TCF20: variants seen among roughly 807,000 people sequenced by gnomAD.
TCF20 encodes transcription factor 20.
TCF20 carries 3 observed loss-of-function variants against 148.6 expected under a neutral mutation model. The observed-to-expected ratio is 0.02, with a 90% CI of 0.01 to 0.05. The LOEUF (loss-of-function observed/expected upper bound fraction) is 0.05. TCF20 is among the 10% of genes least tolerant of loss of function. The pLI is 1.00. For missense variants in TCF20, 2,350 were observed against 2,429.3 expected, an observed-to-expected ratio of 0.97 and a Z score of 0.69; for synonymous variants, 1,049 against 909.5, an observed-to-expected ratio of 1.15 and a Z score of -2.76.
At chr22:42,321,946 TA>T (rs201888819) in intron 1 of TCF20, among the ~76,000 whole-genome samples, 243 of 138,278 alleles carry the variant, frequency 1.8e-3, no homozygotes, top group Non-Finnish European at 1.7e-3. Context: ...GACTCCATCT[TA>T]AAAAAAAAAA....
intron 3 of TCF20, among the ~76,000 whole-genome samples, chr22:42,172,892 T>C (rs1347474951): frequency 6.6e-6 from 1 of 152,188 alleles, no homozygotes; most frequent in Non-Finnish European, 1.5e-5. Context: ...AGGCTCAGGC[T>C]CCTGGGCCAT....
intron 2 of TCF20, among the ~76,000 whole-genome samples, chr22:42,195,956 G>A (rs1937586575): frequency 1.3e-5 from 2 of 152,214 alleles, no homozygotes; most frequent in Admixed American, 1.3e-4. Context: ...ATTAGGGTGG[G>A]CTCTGGGGCC....
chr22:42,248,037 A>G (rs1008777508), intron 1 of TCF20, among the ~76,000 whole-genome samples: 2 of 152,210 alleles, frequency 1.3e-5, no homozygotes, highest in Non-Finnish European at 2.9e-5. Context: ...TCTAGGAAAC[A>G]TGGATGCAGA....
chr22:42,242,573 A>G (rs1463551672), intron 1 of TCF20, among the ~76,000 whole-genome samples: 1 of 152,080 alleles, frequency 6.6e-6, no homozygotes, highest in Non-Finnish European at 1.5e-5. Flanking sequence ...GATTTAGAAG[A>G]GGTATTTTCA....
chr22:42,196,770 G>T (rs997665269), intron 2 of TCF20, among the ~76,000 whole-genome samples: 3 of 152,240 alleles, frequency 2.0e-5, no homozygotes, highest in African/African-American at 7.2e-5. Context: ...ACACATAACA[G>T]AGATGAAATG....
At chr22:42,325,940 A>C (rs553472829) in intron 1 of TCF20, among the ~76,000 whole-genome samples, 4 of 152,100 alleles carry the variant, frequency 2.6e-5, no homozygotes, top group African/African-American at 9.7e-5. Flanking sequence ...TCAGGTGAGT[A>C]AGACATGGTT....
intron 3 of TCF20, among the ~76,000 whole-genome samples, chr22:42,175,328 G>C (rs1270404744): frequency 6.6e-6 from 1 of 152,082 alleles, no homozygotes; most frequent in East Asian, 1.9e-4. Context: ...ACCATACCTA[G>C]TTAACTGGTT....
intron 1 of TCF20, among the ~76,000 whole-genome samples, chr22:42,308,957 C>T (rs922103873): frequency 2.2e-4 from 34 of 152,156 alleles, no homozygotes; most frequent in African/African-American, 8.0e-4. Context: ...TGCACACAGG[C>T]CCTGAGGGTA....
intron 1 of TCF20, among the ~76,000 whole-genome samples, chr22:42,217,594 GGT>G (rs1378933856): frequency 1.3e-5 from 2 of 152,176 alleles, no homozygotes; most frequent in African/African-American, 4.8e-5. Flanking sequence ...ATGATTAAAT[GGT>G]GTAAGAACTA....
At position 42,213,909 on chromosome 22, in the gene TCF20, A is replaced by T. The variant is rs1394996889; in HGVS notation, c.1397T>A (p.Leu466His). 1 of 1,614,174 alleles carries T rather than the reference A, an allele frequency of 6.2e-7. No homozygotes were observed. The highest frequency in any genetic ancestry group is 8.5e-7 in the Non-Finnish European group (1 of 1,180,034). ...LSALSTQVAN[L>H]PNTVQHMLLS... ...TAACATGTGCTGGACAGTGTTAGGA[A>T]GATTGGCCACTTGAGTACTCAGAGC... Residue 466 changes from leucine (L) to histidine (H), a missense_variant, in exon 2 of 6, where the codon CTT (leucine) becomes CAT (histidine). By Grantham distance (99) the Leu-to-His change is moderately conservative (BLOSUM62 -3). This residue lies in a region of TCF20 where 1,641 missense variants were observed against 1,662.6 expected (regional missense o/e 0.99). Coordinates refer to ENST00000677622, the MANE Select transcript of TCF20 (RefSeq NM_001378418.1).
intron 1 of TCF20, among the ~76,000 whole-genome samples, chr22:42,235,263 A>C (rs538710522): frequency 3.3e-4 from 50 of 152,354 alleles, no homozygotes; most frequent in African/African-American, 1.2e-3. Context: ...GAGACAAAAG[A>C]AAACTACTCC....
At chr22:42,259,472 A>C (rs548054096) in intron 1 of TCF20, among the ~76,000 whole-genome samples, 6 of 152,192 alleles carry the variant, frequency 3.9e-5, no homozygotes, top group African/African-American at 1.4e-4. Flanking sequence ...TCCAAGTCTT[A>C]ATCTATAGCC....
intron 1 of TCF20, among the ~76,000 whole-genome samples, chr22:42,293,974 T>C (rs1403034930): frequency 1.3e-5 from 2 of 152,228 alleles, no homozygotes; most frequent in Non-Finnish European, 2.9e-5. Flanking sequence ...CACTCCACCC[T>C]GGGCCACAAA....
chr22:42,205,279 T>C (rs1461898078), intron 2 of TCF20, among the ~76,000 whole-genome samples: 2 of 136,926 alleles, frequency 1.5e-5, no homozygotes, highest in African/African-American at 5.8e-5. Context: ...AGTCCCACAC[T>C]TGTGGGAAGG....
At chr22:42,243,038 A>G (rs980162070) in intron 1 of TCF20, among the ~76,000 whole-genome samples, 3 of 152,094 alleles carry the variant, frequency 2.0e-5, no homozygotes, top group African/African-American at 7.2e-5. Context: ...CCAAGGATCC[A>G]AGGGAAGAGG....
At chr22:42,199,534 G>A (rs935229610) in intron 2 of TCF20, among the ~76,000 whole-genome samples, 1 of 151,822 alleles carries the variant, frequency 6.6e-6, no homozygotes, top group Non-Finnish European at 1.5e-5. Context: ...ATACAGTCTT[G>A]GTTTTTCACC....
chr22:42,256,038 T>C (rs1190900392), intron 1 of TCF20, among the ~76,000 whole-genome samples: 1 of 152,108 alleles, frequency 6.6e-6, no homozygotes, highest in Non-Finnish European at 1.5e-5. Context: ...GAATGCTCTT[T>C]CTCCACTCTT....
intron 1 of TCF20, among the ~76,000 whole-genome samples, chr22:42,229,501 T>G (rs1440970465): frequency 3.3e-5 from 5 of 151,634 alleles, no homozygotes; most frequent in African/African-American, 9.7e-5. Flanking sequence ...TAGGACACTG[T>G]TCTATCCTGA....
intron 1 of TCF20, among the ~76,000 whole-genome samples, chr22:42,310,047 G>A (rs1012657704): frequency 2.0e-5 from 3 of 152,202 alleles, no homozygotes; most frequent in African/African-American, 4.8e-5. Context: ...TGCCCGGAGC[G>A]GCCATGAAGT....
Sources: allele counts gnomAD v4.1 joint callset (sites outside exome capture counted in the v4.1 genomes callset), GRCh38; gene constraint gnomAD v4.1.1; regional missense constraint gnomAD v4.1.1; transcripts MANE v1.5; gene names NCBI Gene and HGNC (gene_info 2026-07-23, HGNC 2026-07-21).